GABRQ: variants seen among roughly 807,000 people sequenced by gnomAD.
GABRQ encodes the protein gamma-aminobutyric acid receptor subunit theta.
A neutral mutation model predicts 30.5 loss-of-function variants in GABRQ; 19 were observed. That is an observed-to-expected ratio of 0.62 (90% CI 0.43 to 0.91). The LOEUF (loss-of-function observed/expected upper bound fraction) is 0.91, where lower values mean the gene tolerates loss of function less well. Ranked by LOEUF, GABRQ falls within the 40% of genes least tolerant of loss-of-function variation. GABRQ has a pLI of 0.00. For synonymous variants in GABRQ, 187 were observed against 210.2 expected (o/e 0.89, Z 0.95); for missense variants, 520 against 521.4 (o/e 1.00, Z 0.03).
Position 152,657,243 on chromosome X carries a change from G to A in GABRQ, c.*3962G>A, listed in dbSNP as rs1302867733. ...TAAAATCAAACAAACGGAGGTCTTT[G>A]GAAGTGATGCTGGGCCCAGGCAGTG... On this transcript the variant is annotated 3_prime_UTR_variant, in exon 9 of 9. Transcript: ENST00000598523. The A allele has an allele frequency of 9.0e-6, 1 of 111,389 alleles. No homozygotes were observed. The highest frequency in any genetic ancestry group is 3.3e-5 in the African/African-American group (1 of 30,531). 9.2% of individuals were successfully genotyped at this position (111,389 alleles called of 1,213,427 possible).
intron 2 of GABRQ, among the ~76,000 whole-genome samples, chrX:152,644,324 A>G (rs939615362): frequency 8.9e-5 from 10 of 112,520 alleles, no homozygotes; most frequent in Non-Finnish European, 1.9e-4. Flanking sequence ...GCTCACATAC[A>G]TGAAAGCACT....
chrX:152,643,870 C>T (rs1367221753), intron 2 of GABRQ, among the ~76,000 whole-genome samples: 1 of 110,965 alleles, frequency 9.0e-6, no homozygotes, highest in Non-Finnish European at 1.9e-5. Flanking sequence ...CAAACACACT[C>T]ACAAGTCCAC....
In GABRQ at chrX:152,638,118, A is replaced by C; in HGVS notation, c.-85A>C. 1 of 831,629 alleles carries C rather than the reference A, an allele frequency of 1.2e-6. No homozygotes were observed. 68.5% of individuals were successfully genotyped at this position (831,629 alleles called of 1,213,427 possible). ...CAGCAATCCCGCCTTCCCCGGCCCC[A>C]GTAGTCACCCACTCTCCCACCCCAC... On this transcript the variant is annotated 5_prime_UTR_variant, in exon 1 of 9. Transcript: ENST00000598523.
At position 152,638,229 on chromosome X, in the gene GABRQ, C is replaced by T; in HGVS notation, c.27C>T (p.Ala9=). Residue 9 remains alanine, a synonymous_variant, in exon 1 of 9, where the codon GCC becomes GCT. Coordinates refer to ENST00000598523, the MANE Select transcript of GABRQ (RefSeq NM_018558.4). MGIRGMLR[A]AVILLLIRTW... is the part of the protein sequence containing the mutation. ...TGGGCATCCGAGGCATGCTGCGAGCCGCAGTGATCCTGCTGCTCATCAGGA... is the reference window on the plus strand; with the variant it reads ...TGGGCATCCGAGGCATGCTGCGAGCTGCAGTGATCCTGCTGCTCATCAGGA... The T allele has an allele frequency of 8.3e-7, 1 of 1,210,857 alleles. No homozygotes were observed. Among genetic ancestry groups the T allele is most frequent in the East Asian group, 3.0e-5 (1 of 33,798 alleles).
At chrX:152,658,758 A>G (rs1569455232), downstream of GABRQ, among the ~76,000 whole-genome samples, 1 of 111,838 alleles carries the variant, frequency 8.9e-6, no homozygotes, top group Non-Finnish European at 1.9e-5. Context: ...ACACCTTTCT[A>G]TTGCTACTGT....
chrX:152,638,126 C>A lies in GABRQ; in HGVS notation c.-77C>A. 7 of 946,124 alleles carry A rather than the reference C, an allele frequency of 7.4e-6. No individual in the cohort carries two copies. Among genetic ancestry groups the A allele is most frequent in the Non-Finnish European group, 1.0e-5 (7 of 679,324 alleles). The allele number at this position is 946,124 out of a possible 1,213,427, so 78.0% of individuals were successfully genotyped here. ...CCGCCTTCCCCGGCCCCAGTAGTCA[C>A]CCACTCTCCCACCCCACCTCTGTTC... On this transcript the variant is annotated 5_prime_UTR_variant, in exon 1 of 9. Coordinates refer to ENST00000598523, the MANE Select transcript of GABRQ (RefSeq NM_018558.4).
chrX:152,640,451 A>C lies in GABRQ; in HGVS notation c.223A>C (p.Arg75=), dbSNP rs782512679. ...GCTGTCAAGATACGATGTCCGCCTG[A>C]GACCGAATTTTGGAGGTAAGGCATA... The part of the protein sequence containing the change: ...RVLSRYDVRL[R]PNFGGAPVPV... The change falls in exon 2 of 9, where the codon AGA becomes CGA. Residue 75 remains arginine, a synonymous_variant. Coordinates refer to ENST00000598523, the MANE Select transcript of GABRQ (RefSeq NM_018558.4). 2.5e-6 allele frequency: 3 copies of C among 1,180,076 alleles called. No homozygotes were observed. The highest frequency in any genetic ancestry group is 3.6e-5 in the South Asian group (2 of 56,237).
chrX:152,649,141 G>T, intron 4 of GABRQ, 110 bp from the exon 5 acceptor site: 1 of 551,121 alleles, frequency 1.8e-6, no homozygotes, highest in South Asian at 2.5e-5. Context: ...CTCTACACAT[G>T]GGTCAGTCCT....
Position 152,649,745 on chromosome X carries a change from G to A in GABRQ, c.614G>A (p.Gly205Asp). The change falls in exon 6 of 9, where the codon GGT (glycine) becomes GAT (aspartate). Residue 205 changes from glycine (G) to aspartate (D), a missense_variant. Transcript: ENST00000598523. ...CCTCTGTTTCTCTCCTTCCCAGATG[G>A]TTACACGGTTGAAGACATCATATTA... is the stretch of plus-strand genomic sequence containing the variant. ...QACNLVVESY[G>D]YTVEDIILFW... 1 of 1,189,238 alleles carries A rather than the reference G, an allele frequency of 8.4e-7. No homozygotes were observed. The highest frequency in any genetic ancestry group is 2.2e-5 in the Admixed American group (1 of 45,895).
Position 152,656,501 on chromosome X carries a change from G to T in GABRQ, c.*3220G>T. 1 of 112,513 alleles carries T rather than the reference G, an allele frequency of 8.9e-6. No individual in the cohort carries two copies. The highest frequency in any genetic ancestry group is 2.8e-4 in the East Asian group (1 of 3,574). 9.3% of individuals were successfully genotyped at this position (112,513 alleles called of 1,213,427 possible). On this transcript the variant is annotated 3_prime_UTR_variant, in exon 9 of 9. Coordinates refer to ENST00000598523, the MANE Select transcript of GABRQ (RefSeq NM_018558.4). ...GTATCATTTTATTGTGGGGATGTGT[G>T]ACACGTTTCCTACCAAGTTCTTGCC...
intron 2 of GABRQ, among the ~76,000 whole-genome samples, chrX:152,641,780 C>G (rs1027036840): frequency 7.1e-4 from 80 of 112,722 alleles, no homozygotes; most frequent in African/African-American, 2.6e-3. Context: ...AGAGTACAGG[C>G]AGCACGTCCT....
In GABRQ at chrX:152,647,142, AGATGGAAC is replaced by A. The variant is rs782269422; in HGVS notation, c.503_510del (p.Asp168GlyfsTer19). The A allele has an allele frequency of 8.3e-7, 1 of 1,208,005 alleles. No homozygotes were observed. ...AGAATCGCGTGTTTCAGCTTCACCC[AGATGGAAC>A]GGTGCGGTACGGCATCCGGTGAGTC... On this transcript the variant is annotated frameshift_variant, in exon 4 of 9. Transcript: ENST00000598523. LOFTEE classifies it high-confidence loss of function.
intron 1 of GABRQ, among the ~76,000 whole-genome samples, chrX:152,640,170 T>TGGG (rs10706326): frequency 3.9e-5 from 4 of 103,683 alleles, no homozygotes; most frequent in African/African-American, 1.1e-4. Context: ...GCTGGGAAGG[T>TGGG]GGGGGGGGGA....
chrX:152,652,765 G>A lies in GABRQ; in HGVS notation c.1383G>A (p.Arg461=), dbSNP rs782768514. 10 of 1,211,568 alleles carry A rather than the reference G, an allele frequency of 8.3e-6. No individual in the cohort carries two copies. In the Admixed American group the frequency reaches 2.2e-4, roughly 26 times the overall value. The part of the protein sequence containing the change: ...SDLPSTSEQA[R]HSYGVRFNGF... The stretch of plus-strand genomic sequence containing the variant: ...TCCCCTCCACCTCAGAGCAGGCCCG[G>A]CACAGCTATGGTGTTCGCTTTAATG... The change falls in exon 9 of 9, where the codon CGG becomes CGA. Residue 461 remains arginine, a synonymous_variant. Transcript: ENST00000598523.
intron 1 of GABRQ, among the ~76,000 whole-genome samples, chrX:152,639,068 G>T (rs1930684458): frequency 9.0e-6 from 1 of 111,149 alleles, no homozygotes; most frequent in Non-Finnish European, 1.9e-5. Context: ...AAATCACACA[G>T]AAATGTGTAT....
At position 152,649,868 on chromosome X, in the gene GABRQ, A is replaced by G; in HGVS notation, c.737A>G (p.Tyr246Cys). The G allele has an allele frequency of 8.3e-7, 1 of 1,199,950 alleles. No homozygotes were observed. The highest frequency in any genetic ancestry group is 1.1e-6 in the Non-Finnish European group (1 of 885,963). The change falls in exon 6 of 9, where the codon TAT (tyrosine) becomes TGT (cysteine). Residue 246 changes from tyrosine (Y) to cysteine (C), a missense_variant. Physicochemically the swap from Tyr to Cys is radical, Grantham distance 194. Coordinates refer to ENST00000598523, the MANE Select transcript of GABRQ (RefSeq NM_018558.4). ...LGRTITSKEVYFYTGSYIRLI... is the reference protein window; with the variant it reads ...LGRTITSKEVCFYTGSYIRLI... ...AGGACGATTACTAGCAAGGAGGTGT[A>G]TTTCTACACAGGTGGGTCTGACCCC... is the stretch of plus-strand genomic sequence containing the variant.
At chrX:152,642,347 C>T (rs1556818531) in intron 2 of GABRQ, among the ~76,000 whole-genome samples, 1 of 112,074 alleles carries the variant, frequency 8.9e-6, no homozygotes, top group Non-Finnish European at 1.9e-5. Flanking sequence ...CCCCTCACTT[C>T]CCCACACATC....
rs1452264570 is a variant in GABRQ at position 152,656,186 on chromosome X, T to C, written c.*2905T>C. ...TCTTGTATGTGGTCTGTCCTCTGTG[T>C]CATTTGAGTCCTCAGCTGTCCCCAA... On this transcript the variant is annotated 3_prime_UTR_variant, in exon 9 of 9. Coordinates refer to ENST00000598523, the MANE Select transcript of GABRQ (RefSeq NM_018558.4). The C allele has an allele frequency of 9.0e-6, 1 of 110,521 alleles. No individual in the cohort carries two copies. The highest frequency in any genetic ancestry group is 1.9e-5 in the Non-Finnish European group (1 of 52,866). 9.1% of individuals were successfully genotyped at this position (110,521 alleles called of 1,213,427 possible).
At chrX:152,649,428 T>C (rs1187395128) in intron 5 of GABRQ, 95 bp downstream of exon 5, 6 of 548,410 alleles carry the variant, frequency 1.1e-5, no homozygotes, top group Non-Finnish European at 2.0e-5. Context: ...CCAGTGTATC[T>C]CCTGTGCTCC....
Sources: allele counts gnomAD v4.1 joint callset (sites outside exome capture counted in the v4.1 genomes callset), GRCh38; gene constraint gnomAD v4.1.1; transcripts MANE v1.5; gene names NCBI Gene and HGNC (gene_info 2026-07-23, HGNC 2026-07-21).